Variants in MYO10 observed in about 807,000 individuals in gnomAD.
The protein encoded by MYO10 is myosin X.
In MYO10, 133 loss-of-function variants were observed where a neutral mutation model predicts 257.3. That is an observed-to-expected ratio of 0.52 (90% CI 0.45 to 0.60). The LOEUF (loss-of-function observed/expected upper bound fraction) is 0.60. Among genes scored for constraint, MYO10 ranks in the 20% least tolerant of loss-of-function variants. The pLI is 0.00. For synonymous variants in MYO10, 1,104 were observed against 1,028.6 expected, an observed-to-expected ratio of 1.07 and a Z score of -1.40; for missense variants, 2,399 against 2,635.7, an observed-to-expected ratio of 0.91 and a Z score of 1.97.
At chr5:16,885,993 C>A (rs1174855384) in intron 1 of MYO10, among the ~76,000 whole-genome samples, 1 of 152,136 alleles carries the variant, frequency 6.6e-6, no homozygotes, top group Admixed American at 6.5e-5. Context: ...GTAGGGCACC[C>A]ACGACAGCTA....
At chr5:16,670,258 T>G (rs966545724) in intron 39 of MYO10, among the ~76,000 whole-genome samples, 1 of 152,210 alleles carries the variant, frequency 6.6e-6, no homozygotes, top group Non-Finnish European at 1.5e-5. Context: ...AAAAATTAGA[T>G]CTATAGCTTC....
Position 16,818,427 on chromosome 5 carries a change from C to CGTATATATATATATAT in MYO10, c.121-261_121-260insATATATATATATATAC, listed in dbSNP as rs1561000965. Among the ~76,000 whole-genome samples the CGTATATATATATATAT allele has an allele frequency of 2.4e-4, 34 of 139,130 alleles. 1 individual carries two copies. The highest frequency in any genetic ancestry group is 8.2e-4 in the African/African-American group (29 of 35,158). 91.3% of individuals were successfully genotyped at this position (139,130 alleles called of 152,430 possible). A position where few individuals can be genotyped will look rare whatever the true frequency, so the allele number is the denominator to read the frequency against. ...GTGTGTGTGTATATATATATATATACACATATCTTTGTTGTTGTTGTTGTT... is the reference window on the plus strand; with the variant it reads ...GTGTGTGTGTATATATATATATATACGTATATATATATATATACATATCTTTGTTGTTGTTGTTGTT... On this transcript the variant is annotated intron_variant, in intron 2 of 40. Coordinates refer to ENST00000513610, the MANE Select transcript of MYO10 (RefSeq NM_012334.3).
intron 4 of MYO10, among the ~76,000 whole-genome samples, chr5:16,791,420 A>G (rs1741751777): frequency 1.3e-5 from 2 of 152,018 alleles, no homozygotes; most frequent in African/African-American, 4.8e-5. Context: ...AATTTAGATA[A>G]ATACAGTTAC....
At chr5:16,690,545 G>A (rs1170471752) in intron 27 of MYO10, among the ~76,000 whole-genome samples, 1 of 152,112 alleles carries the variant, frequency 6.6e-6, no homozygotes, top group Non-Finnish European at 1.5e-5. Flanking sequence ...TCTGCCCAAT[G>A]CCCACCCCTG....
chr5:16,683,311 C>T (rs1033612388), intron 30 of MYO10, among the ~76,000 whole-genome samples: 1 of 152,054 alleles, frequency 6.6e-6, no homozygotes, highest in African/African-American at 2.4e-5. Context: ...CAAGATAATA[C>T]AGAAAAACAG....
rs751098695 is a variant in MYO10 at position 16,694,501 on chromosome 5, C to A, written c.3670G>T (p.Gly1224Trp). 3.1e-6 allele frequency: 5 copies of A among 1,614,008 alleles called. No individual in the cohort carries two copies. The highest frequency in any genetic ancestry group is 4.2e-6 in the Non-Finnish European group (5 of 1,179,886). Reference protein sequence around the residue: ...LKQGWLHKKGGGSSTLSRRNW... With the variant: ...LKQGWLHKKGWGSSTLSRRNW... ...CTCCTGGACAGCGTGGAGGAGCCCCCCCCTTTTTTGTGGAGCCAGCCTTGC... is the reference window on the plus strand; with the variant it reads ...CTCCTGGACAGCGTGGAGGAGCCCCACCCTTTTTTGTGGAGCCAGCCTTGC... The change falls in exon 27 of 41, where the codon GGG becomes TGG. Residue 1224 changes from glycine (G) to tryptophan (W), a missense_variant. Transcript: ENST00000513610.
At chr5:16,919,119 G>A (rs1745908160) in intron 1 of MYO10, among the ~76,000 whole-genome samples, 1 of 152,118 alleles carries the variant, frequency 6.6e-6, no homozygotes, top group African/African-American at 2.4e-5. Context: ...GCTCACACCT[G>A]TAATCCCAGC....
chr5:16,704,563 A>T lies in MYO10; in HGVS notation c.2276+16T>A, dbSNP rs1227257237. On this transcript the variant is annotated intron_variant, in intron 22 of 40. Coordinates refer to ENST00000513610, the MANE Select transcript of MYO10 (RefSeq NM_012334.3). ...ATGGAGCTTCCTGCCTTATCCCCTC[A>T]GCGTGGGGTTCTTACCGTGCTAAGA... The T allele has an allele frequency of 6.2e-7, 1 of 1,607,684 alleles. No homozygotes were observed. The highest frequency in any genetic ancestry group is 1.1e-5 in the South Asian group (1 of 90,726).
intron 3 of MYO10, chr5:16,815,125 T>C (rs79062182): frequency 4.4e-6 from 1 of 228,178 alleles, no homozygotes; most frequent in East Asian, 1.0e-4. Flanking sequence ...GCTCAGGAGT[T>C]TGAGTCTAGC....
chr5:16,857,900 G>A (rs1367336769), intron 2 of MYO10, among the ~76,000 whole-genome samples: 2 of 152,186 alleles, frequency 1.3e-5, no homozygotes, highest in African/African-American at 4.8e-5. Context: ...TCATTCCAAT[G>A]TGTAACCAGA....
intron 2 of MYO10, among the ~76,000 whole-genome samples, chr5:16,847,749 T>C (rs1041697608): frequency 2.0e-5 from 3 of 151,872 alleles, no homozygotes; most frequent in Non-Finnish European, 4.4e-5. Context: ...TGCTGGGCAC[T>C]GTGGTGCACA....
intron 19 of MYO10, among the ~76,000 whole-genome samples, chr5:16,720,166 C>T (rs1406593000): frequency 2.6e-5 from 4 of 152,030 alleles, no homozygotes; most frequent in African/African-American, 9.7e-5. Context: ...GCTTAGGATG[C>T]AAAATGGTAG....
chr5:16,869,018 T>G (rs1394859894), intron 2 of MYO10, among the ~76,000 whole-genome samples: 3 of 151,410 alleles, frequency 2.0e-5, no homozygotes. Context: ...GTAATCCTAC[T>G]GCTTTGTTTT....
At chr5:16,900,726 C>T (rs1745352850) in intron 1 of MYO10, among the ~76,000 whole-genome samples, 1 of 147,094 alleles carries the variant, frequency 6.8e-6, no homozygotes, top group African/African-American at 2.5e-5. Context: ...CCCAAAAGTA[C>T]ACACCTCCCT....
chr5:16,800,705 TG>T (rs1387037811), intron 3 of MYO10, among the ~76,000 whole-genome samples: 1 of 152,132 alleles, frequency 6.6e-6, no homozygotes, highest in Non-Finnish European at 1.5e-5. Flanking sequence ...CTCACTACAC[TG>T]GTTCTTTCTC....
intron 29 of MYO10, among the ~76,000 whole-genome samples, chr5:16,684,471 C>T (rs1002598181): frequency 2.3e-4 from 35 of 152,126 alleles, no homozygotes; most frequent in Admixed American, 2.0e-4. Context: ...AAATTCCTGG[C>T]GGCCTCAAGT....
intron 2 of MYO10, among the ~76,000 whole-genome samples, chr5:16,844,064 G>A (rs1743560558): frequency 6.6e-6 from 1 of 152,214 alleles, no homozygotes; most frequent in South Asian, 2.1e-4. Context: ...TGAATCAGCT[G>A]CTGACTAGCA....
chr5:16,886,916 A>T (rs1408601119), intron 1 of MYO10, among the ~76,000 whole-genome samples: 5 of 145,962 alleles, frequency 3.4e-5, no homozygotes, highest in African/African-American at 1.3e-4. Flanking sequence ...TGGGTGCCAG[A>T]GCGAGACTCC....
At chr5:16,762,969 A>G (rs1020882555) in intron 14 of MYO10, among the ~76,000 whole-genome samples, 25 of 53,308 alleles carry the variant, frequency 4.7e-4, no homozygotes, top group Middle Eastern at 0.023. Context: ...GTCTCAGGGG[A>G]AAAAAAAAAA....
Sources: allele counts gnomAD v4.1 joint callset (sites outside exome capture counted in the v4.1 genomes callset), GRCh38; gene constraint gnomAD v4.1.1; transcripts MANE v1.5; gene names NCBI Gene and HGNC (gene_info 2026-07-23, HGNC 2026-07-21).